The following GRAMD1B variants were observed in gnomAD, a reference collection of about 807,000 sequenced individuals.
GRAMD1B encodes the protein GRAM domain containing 1B.
Under a neutral mutation model 99.7 loss-of-function variants are expected in GRAMD1B, and 37 were observed. The ratio of observed to expected loss-of-function variants is 0.37; its 90% CI spans 0.29 to 0.49. The LOEUF is 0.49. Among genes scored for constraint, GRAMD1B ranks in the 20% least tolerant of loss-of-function variants. GRAMD1B has a pLI of 0.98. For synonymous variants in GRAMD1B, 427 were observed against 387.6 expected (o/e 1.10, Z -1.19); for missense variants, 888 against 1,009.2 (o/e 0.88, Z 1.63).
At position 123,593,789 on chromosome 11, in the gene GRAMD1B, G is replaced by T. The variant is rs570625860; in HGVS notation, c.685-293G>T. Among the ~76,000 whole-genome samples, 43 of 152,224 alleles carry T rather than the reference G, an allele frequency of 2.8e-4. No individual in the cohort carries two copies. The South Asian group carries it at 3.9e-3, about 14-fold the overall frequency. ...GTGGATACCAGGAAGCACCCTGGAG[G>T]TGTCCCTCCTTCCTTTCTCTTACGG... is the stretch of plus-strand genomic sequence containing the variant. On this transcript the variant is annotated intron_variant, in intron 4 of 19. Coordinates refer to ENST00000635736, the MANE Select transcript of GRAMD1B (RefSeq NM_001387025.1).
chr11:123,411,779 C>G (rs367790104), intron 1 of GRAMD1B, among the ~76,000 whole-genome samples: 1 of 152,234 alleles, frequency 6.6e-6, no homozygotes, highest in South Asian at 2.1e-4. Context: ...TCTCTACTAG[C>G]TGGGACTACA....
rs1592289794 is a variant in GRAMD1B, at chr11:123,614,960, C to T, written c.2318+125C>T. 23 of 572,170 alleles carry T rather than the reference C, an allele frequency of 4.0e-5. No individual in the cohort carries two copies. The East Asian group carries it at 6.5e-4, about 16-fold the overall frequency. 35.4% of individuals were successfully genotyped at this position (572,170 alleles called of 1,614,324 possible). A position where few individuals can be genotyped will look rare whatever the true frequency, so the allele number is the denominator to read the frequency against. On this transcript the variant is annotated intron_variant, in intron 17 of 19. Transcript: ENST00000635736. ...TTTGCCCTGGTTTTTGCCTTATCCT[C>T]TAGTCTTCTCTGTCTGGATTGGTTG...
At chr11:123,389,839 G>T (rs1260454556) in intron 1 of GRAMD1B, among the ~76,000 whole-genome samples, 1 of 152,022 alleles carries the variant, frequency 6.6e-6, no homozygotes, top group Non-Finnish European at 1.5e-5. Flanking sequence ...TCTGCCTCCT[G>T]GGTTCAAGCG....
chr11:123,490,444 G>T lies in GRAMD1B; in HGVS notation c.452+9551G>T, dbSNP rs183219572. ...AAGCCACTGAAGATCTTTGAGACGG[G>T]AGATGACAGGATCAGATTTGCTTAT... On this transcript the variant is annotated intron_variant, in intron 2 of 19. Coordinates refer to ENST00000635736, the MANE Select transcript of GRAMD1B (RefSeq NM_001387025.1). 2.0e-5 allele frequency among the ~76,000 whole-genome samples: 3 copies of T among 152,310 alleles called. No individual in the cohort carries two copies. The East Asian group carries it at 5.8e-4, about 29-fold the overall frequency.
chr11:123,410,679 G>C (rs957046233), intron 1 of GRAMD1B, among the ~76,000 whole-genome samples: 4 of 152,096 alleles, frequency 2.6e-5, no homozygotes, highest in African/African-American at 9.7e-5. Flanking sequence ...CTTCCTGAGG[G>C]TTTGAGGAAA....
At chr11:123,404,744 G>A (rs17127340) in intron 1 of GRAMD1B, among the ~76,000 whole-genome samples, 2 of 152,104 alleles carry the variant, frequency 1.3e-5, no homozygotes, top group Non-Finnish European at 2.9e-5. Context: ...ACTCAACTTC[G>A]TCTGCTGTTT....
chr11:123,399,846 C>G (rs1251796116), intron 1 of GRAMD1B, among the ~76,000 whole-genome samples: 2 of 152,192 alleles, frequency 1.3e-5, no homozygotes, highest in Non-Finnish European at 2.9e-5. Flanking sequence ...TCTCAAACTT[C>G]TGACCTCAAG....
intron 1 of GRAMD1B, among the ~76,000 whole-genome samples, chr11:123,408,449 G>T (rs753910648): frequency 1.3e-5 from 2 of 152,216 alleles, no homozygotes; most frequent in Non-Finnish European, 2.9e-5. Flanking sequence ...GTACTGGAAC[G>T]CAGAAGTCAC....
At chr11:123,408,913 A>G (rs1947945746) in intron 1 of GRAMD1B, among the ~76,000 whole-genome samples, 2 of 148,296 alleles carry the variant, frequency 1.3e-5, no homozygotes, top group African/African-American at 2.6e-5. Flanking sequence ...TCTACCCTCC[A>G]GATAAAGTAC....
At chr11:123,561,942 G>T (rs902084530) in intron 2 of GRAMD1B, among the ~76,000 whole-genome samples, 1 of 152,198 alleles carries the variant, frequency 6.6e-6, no homozygotes, top group African/African-American at 2.4e-5. Context: ...TGAGGATTGG[G>T]GGTGGGTAGG....
At chr11:123,603,731 A>C (rs775519800) in intron 9 of GRAMD1B, among the ~76,000 whole-genome samples, 190 bp downstream of exon 9, 1 of 152,222 alleles carries the variant, frequency 6.6e-6, no homozygotes, top group African/African-American at 2.4e-5. Context: ...GGCCATCTTT[A>C]TGGTTGGCTT....
intron 2 of GRAMD1B, among the ~76,000 whole-genome samples, chr11:123,534,471 T>C (rs889572996): frequency 4.6e-5 from 7 of 152,022 alleles, no homozygotes; most frequent in African/African-American, 1.7e-4. Flanking sequence ...AGAACAGAGA[T>C]GGAGAGGTAG....
At chr11:123,576,938 A>T (rs1380614423) in intron 2 of GRAMD1B, among the ~76,000 whole-genome samples, 2 of 152,278 alleles carry the variant, frequency 1.3e-5, no homozygotes, top group Non-Finnish European at 2.9e-5. Flanking sequence ...CATGAACAAA[A>T]ATATCTGAAC....
chr11:123,369,459 A>G (rs948678958), intron 1 of GRAMD1B, among the ~76,000 whole-genome samples: 1 of 152,186 alleles, frequency 6.6e-6, no homozygotes, highest in Non-Finnish European at 1.5e-5. Context: ...AAATAAACAA[A>G]GGAAATGGAG....
chr11:123,457,345 T>C (rs904985259), intron 1 of GRAMD1B, among the ~76,000 whole-genome samples: 6 of 152,180 alleles, frequency 3.9e-5, no homozygotes, highest in Non-Finnish European at 7.3e-5. Flanking sequence ...CGTTTGTTCT[T>C]AGACTGCTAT....
At chr11:123,482,875 A>G (rs1218868330) in intron 2 of GRAMD1B, among the ~76,000 whole-genome samples, 1 of 152,242 alleles carries the variant, frequency 6.6e-6, no homozygotes, top group African/African-American at 2.4e-5. Flanking sequence ...CCTGGCCAAC[A>G]TGGGGAAGCC....
chr11:123,586,268 A>G (rs1950064322), intron 4 of GRAMD1B, among the ~76,000 whole-genome samples: 1 of 152,140 alleles, frequency 6.6e-6, no homozygotes, highest in Non-Finnish European at 1.5e-5. Context: ...TTCCACCTGC[A>G]CCATGTCTGT....
intron 1 of GRAMD1B, among the ~76,000 whole-genome samples, chr11:123,466,337 G>T (rs1045596774): frequency 8.1e-6 from 1 of 123,048 alleles, no homozygotes; most frequent in Admixed American, 9.5e-5. Flanking sequence ...AAAGAAAGAA[G>T]GAAGGAAGGA....
At chr11:123,428,192 C>A (rs1003066312), upstream of GRAMD1B, among the ~76,000 whole-genome samples, 4 of 152,156 alleles carry the variant, frequency 2.6e-5, no homozygotes, top group Non-Finnish European at 5.9e-5. Flanking sequence ...GTTCCTTGAA[C>A]TGGGAAGTTA....
Sources: allele counts gnomAD v4.1 joint callset (sites outside exome capture counted in the v4.1 genomes callset), GRCh38; gene constraint gnomAD v4.1.1; transcripts MANE v1.5; gene names NCBI Gene and HGNC (gene_info 2026-07-23, HGNC 2026-07-21).